Variants in DPP6 observed in about 807,000 individuals in gnomAD.
DPP6 encodes dipeptidyl peptidase like 6.
DPP6 carries 69 observed loss-of-function variants against 122.6 expected under a neutral mutation model. The ratio of observed to expected loss-of-function variants is 0.56; its 90% CI spans 0.46 to 0.69. The LOEUF is 0.69. DPP6 is among the 30% of genes least tolerant of loss of function. DPP6 has a pLI of 0.00. For synonymous variants in DPP6, 418 were observed against 433.1 expected (o/e 0.97, Z 0.43); for missense variants, 928 against 1,116.9 (o/e 0.83, Z 2.41).
chr7:153,761,275 A>C, the DPP6 span, among the ~76,000 whole-genome samples: 1 of 152,354 alleles, frequency 6.6e-6, no homozygotes, highest in African/African-American at 2.4e-5. Flanking sequence ...TTGTTAGTAC[A>C]TACCTTTTGA....
intron 3 of DPP6, among the ~76,000 whole-genome samples, chr7:154,518,125 A>G (rs1267230491): frequency 1.3e-5 from 2 of 152,220 alleles, no homozygotes; most frequent in Non-Finnish European, 2.9e-5. Flanking sequence ...CTGATATGCC[A>G]TTCATTGATT....
intron 10 of DPP6, among the ~76,000 whole-genome samples, chr7:154,778,822 C>A (rs1029195101): frequency 1.4e-5 from 2 of 147,500 alleles, no homozygotes; most frequent in African/African-American, 5.1e-5. Context: ...CAACTTCCAA[C>A]CTTCACCACC....
intron 2 of DPP6, among the ~76,000 whole-genome samples, chr7:154,448,321 C>T (rs902711154): frequency 1.1e-4 from 17 of 152,014 alleles, no homozygotes; most frequent in Admixed American, 1.0e-3. Flanking sequence ...AAAATGATTC[C>T]ACTTAAAATA....
At chr7:154,499,405 A>G (rs1825031764) in intron 3 of DPP6, among the ~76,000 whole-genome samples, 1 of 152,064 alleles carries the variant, frequency 6.6e-6, no homozygotes, top group South Asian at 2.1e-4. Flanking sequence ...TTCATATTCC[A>G]CGAGGCAAGT....
intron 1 of DPP6, among the ~76,000 whole-genome samples, chr7:154,174,746 G>A (rs1797709176): frequency 1.3e-5 from 2 of 152,126 alleles, no homozygotes; most frequent in Non-Finnish European, 2.9e-5. Flanking sequence ...TGTAATGCAA[G>A]CAAGTTGCTC....
chr7:153,841,865 T>C, the DPP6 span, among the ~76,000 whole-genome samples: 1 of 152,240 alleles, frequency 6.6e-6, no homozygotes, highest in Non-Finnish European at 1.5e-5. Context: ...TGGTGTTGTT[T>C]CTTTCTATGC....
At chr7:153,931,530 GA>G (rs1191778093) in intron 1 of DPP6, among the ~76,000 whole-genome samples, 11 of 150,936 alleles carry the variant, frequency 7.3e-5, no homozygotes, top group South Asian at 6.3e-4. Context: ...GTTCCTTACA[GA>G]AAAAACAAAC....
At chr7:154,762,855 C>T (rs1795643821) in intron 8 of DPP6, among the ~76,000 whole-genome samples, 1 of 152,192 alleles carries the variant, frequency 6.6e-6, no homozygotes, top group Admixed American at 6.5e-5. Flanking sequence ...AAAGAAAATC[C>T]AGGCAACAGG....
At chr7:154,541,873 G>T (rs967627673) in intron 4 of DPP6, among the ~76,000 whole-genome samples, 6 of 152,196 alleles carry the variant, frequency 3.9e-5, no homozygotes, top group Non-Finnish European at 8.8e-5. Flanking sequence ...TCACAGCTCA[G>T]TGATGGCTGA....
rs1191779352 is a variant in DPP6 at position 154,577,558 on chromosome 7, AC to A, written c.627+10645del. On this transcript the variant is annotated intron_variant, in intron 5 of 25. Coordinates refer to ENST00000377770, the MANE Select transcript of DPP6 (RefSeq NM_130797.4). The stretch of plus-strand genomic sequence containing the variant: ...GTAGTAATAATAAGTTCTGAAGACC[AC>A]CCACCAGCTTGCCAAGGGGATCTGA... 2.6e-5 allele frequency among the ~76,000 whole-genome samples: 4 copies of A among 152,144 alleles called. No homozygotes were observed. In the East Asian group the frequency reaches 7.7e-4, roughly 29 times the overall value.
chr7:153,890,686 T>G (rs1310225058), intron 1 of DPP6, among the ~76,000 whole-genome samples: 2 of 80,224 alleles, frequency 2.5e-5, no homozygotes, highest in African/African-American at 1.0e-4. Context: ...TTTAGAACTT[T>G]TTTTTTTTTT....
At chr7:154,585,750 T>C (rs1383654944) in intron 5 of DPP6, among the ~76,000 whole-genome samples, 1 of 152,216 alleles carries the variant, frequency 6.6e-6, no homozygotes, top group Non-Finnish European at 1.5e-5. Context: ...ACATGTTCAG[T>C]ACAGATGCAC....
chr7:154,275,330 T>A (rs780244707), intron 1 of DPP6, among the ~76,000 whole-genome samples: 8 of 152,200 alleles, frequency 5.3e-5, no homozygotes, highest in Non-Finnish European at 1.2e-4. Context: ...GGGTTTCCCT[T>A]GAAACACATC....
rs74543167 is a variant in DPP6 at position 154,127,618 on chromosome 7, C to G, written c.243+74555C>G. Among the ~76,000 whole-genome samples the G allele has an allele frequency of 8.0e-3, 911 of 113,340 alleles. 4 individuals are homozygous for G. The highest frequency in any genetic ancestry group is 0.011 in the Non-Finnish European group (626 of 57,094). 74.4% of individuals were successfully genotyped at this position (113,340 alleles called of 152,430 possible). A position where few individuals can be genotyped will look rare whatever the true frequency, so the allele number is the denominator to read the frequency against. On this transcript the variant is annotated intron_variant, in intron 1 of 25. Coordinates refer to ENST00000377770, the MANE Select transcript of DPP6 (RefSeq NM_130797.4). ...CATCTCACACACACACACACACACA[C>G]ACACACACACACACAGACACACACA...
chr7:154,584,962 A>G (rs988233605), intron 5 of DPP6, among the ~76,000 whole-genome samples: 1 of 152,106 alleles, frequency 6.6e-6, no homozygotes, highest in Admixed American at 6.5e-5. Context: ...TTGTTGTGCA[A>G]TTCTATGAGC....
At chr7:153,959,571 C>A (rs1458294779) in intron 1 of DPP6, among the ~76,000 whole-genome samples, 1 of 152,246 alleles carries the variant, frequency 6.6e-6, no homozygotes, top group East Asian at 1.9e-4. Flanking sequence ...CTCCTTAAAC[C>A]TCATGAGCCA....
chr7:154,371,760 C>T (rs1263394737), intron 1 of DPP6, among the ~76,000 whole-genome samples: 1 of 152,090 alleles, frequency 6.6e-6, no homozygotes, highest in African/African-American at 2.4e-5. Context: ...TACCTGTGAC[C>T]CGTGATTTCA....
At chr7:154,041,422 C>T (rs555182430) in intron 1 of DPP6, among the ~76,000 whole-genome samples, 4 of 152,258 alleles carry the variant, frequency 2.6e-5, no homozygotes, top group African/African-American at 9.6e-5. Flanking sequence ...TGAGGTTTCC[C>T]CTCTGTAACA....
intron 1 of DPP6, among the ~76,000 whole-genome samples, chr7:154,426,716 C>T (rs1817944640): frequency 6.7e-6 from 1 of 149,630 alleles, no homozygotes; most frequent in African/African-American, 2.5e-5. Flanking sequence ...TACTTGGTCA[C>T]TGTTGAGAGG....
Sources: gnomAD v4.1 joint callset for allele counts (sites outside exome capture counted in the v4.1 genomes callset) on GRCh38, gnomAD v4.1.1 for gene constraint, MANE v1.5 for transcripts, NCBI Gene and HGNC (gene_info 2026-07-23, HGNC 2026-07-21) for gene names.